Variants in MEGF11 observed in about 807,000 individuals in gnomAD.
The protein encoded by MEGF11 is multiple EGF like domains 11, also known as multiple epidermal growth factor-like domains protein 11.
In MEGF11, 126 loss-of-function variants were observed where a neutral mutation model predicts 146.6. That is an observed-to-expected ratio of 0.86 (90% CI 0.74 to 1.00). The LOEUF (loss-of-function observed/expected upper bound fraction) is 1.00. Ranked by LOEUF, MEGF11 falls within the 50% of genes least tolerant of loss-of-function variation. The pLI, the probability that MEGF11 is intolerant of heterozygous loss-of-function variation, is 0.00. For synonymous variants in MEGF11, 532 were observed against 583.4 expected (o/e 0.91, Z 1.27); for missense variants, 1,509 against 1,521.2 (o/e 0.99, Z 0.13).
At chr15:66,160,872 A>G (rs2089931268) in intron 1 of MEGF11, among the ~76,000 whole-genome samples, 1 of 152,210 alleles carries the variant, frequency 6.6e-6, no homozygotes. Context: ...TAGAAGCAGG[A>G]TGGCAGCTTA....
At chr15:66,177,592 C>T (rs2090419576) in intron 1 of MEGF11, among the ~76,000 whole-genome samples, 1 of 152,010 alleles carries the variant, frequency 6.6e-6, no homozygotes, top group Non-Finnish European at 1.5e-5. Flanking sequence ...TTTACCTCCA[C>T]CAAAGCACTG....
At chr15:66,234,534 C>T (rs1194710687) in intron 1 of MEGF11, among the ~76,000 whole-genome samples, 1 of 152,230 alleles carries the variant, frequency 6.6e-6, no homozygotes, top group Non-Finnish European at 1.5e-5. Flanking sequence ...GCCCCCTTGA[C>T]CTTGGGACCA....
At chr15:66,063,297 G>A (rs1350994054) in intron 5 of MEGF11, among the ~76,000 whole-genome samples, 1 of 152,186 alleles carries the variant, frequency 6.6e-6, no homozygotes, top group East Asian at 1.9e-4. Flanking sequence ...TCATGTTTTA[G>A]AGTTCACACT....
At chr15:66,181,923 C>T (rs1403818752) in intron 1 of MEGF11, among the ~76,000 whole-genome samples, 1 of 152,182 alleles carries the variant, frequency 6.6e-6, no homozygotes, top group Admixed American at 6.5e-5. Context: ...CTGAAGTTCT[C>T]CTAGAGGAAT....
intron 4 of MEGF11, among the ~76,000 whole-genome samples, chr15:66,112,278 AT>A (rs1176689365): frequency 1.3e-5 from 2 of 152,192 alleles, no homozygotes. Context: ...GGAATTCATA[AT>A]GAAAGAATAG....
At chr15:66,099,216 T>TTTG (rs2086683112) in intron 4 of MEGF11, among the ~76,000 whole-genome samples, 1 of 148,590 alleles carries the variant, frequency 6.7e-6, no homozygotes, top group South Asian at 2.2e-4. Flanking sequence ...TTTTTTTTTT[T>TTTG]TTTTTTGATA....
intron 2 of MEGF11, among the ~76,000 whole-genome samples, chr15:66,126,143 T>C (rs923741211): frequency 1.1e-4 from 16 of 152,176 alleles, no homozygotes; most frequent in Admixed American, 2.6e-4. Flanking sequence ...GGGGCATAAT[T>C]AATGAGGAGC....
intron 1 of MEGF11, among the ~76,000 whole-genome samples, chr15:66,235,825 C>T (rs1351670338): frequency 6.6e-6 from 1 of 152,200 alleles, no homozygotes; most frequent in Non-Finnish European, 1.5e-5. Flanking sequence ...AGGAGAGCCA[C>T]AGGCAAGCAT....
At chr15:66,043,194 G>A (rs560799726) in intron 5 of MEGF11, among the ~76,000 whole-genome samples, 1 of 152,348 alleles carries the variant, frequency 6.6e-6, no homozygotes, top group South Asian at 2.1e-4. Flanking sequence ...ACTCCAGCAG[G>A]TGCAAGCACA....
intron 1 of MEGF11, among the ~76,000 whole-genome samples, chr15:66,169,654 G>A (rs762251127): frequency 6.6e-6 from 1 of 152,220 alleles, no homozygotes; most frequent in Non-Finnish European, 1.5e-5. Flanking sequence ...CCACGTCCTT[G>A]GTTCCTTATC....
At chr15:65,923,481 G>A (rs1046773122) in intron 13 of MEGF11, among the ~76,000 whole-genome samples, 1 of 152,266 alleles carries the variant, frequency 6.6e-6, no homozygotes, top group East Asian at 1.9e-4. Context: ...ACCCACCCAG[G>A]GAGGGGCTCA....
At chr15:66,067,161 T>C (rs1478295466) in intron 5 of MEGF11, among the ~76,000 whole-genome samples, 2 of 152,218 alleles carry the variant, frequency 1.3e-5, no homozygotes, top group African/African-American at 4.8e-5. Flanking sequence ...ATGAAAGCTA[T>C]TACTTACACA....
At chr15:66,114,240 C>G (rs1046024157) in intron 4 of MEGF11, among the ~76,000 whole-genome samples, 7 of 152,236 alleles carry the variant, frequency 4.6e-5, no homozygotes, top group Admixed American at 4.6e-4. Flanking sequence ...TTCTGATCCT[C>G]TCTGCCTTCA....
chr15:66,185,193 G>T (rs1265743925), intron 1 of MEGF11, among the ~76,000 whole-genome samples: 5 of 152,042 alleles, frequency 3.3e-5, no homozygotes, highest in African/African-American at 1.2e-4. Context: ...GGGGACGGCA[G>T]CTCATTTACA....
At chr15:65,957,801 T>C in intron 9 of MEGF11, 80 bp from the exon 10 acceptor site, 1 of 1,429,448 alleles carries the variant, frequency 7.0e-7, no homozygotes. Context: ...ACCCCAAGCC[T>C]GGCTTGCCTA....
chr15:66,199,940 T>TAAA (rs2140086317), intron 1 of MEGF11, among the ~76,000 whole-genome samples: 1 of 152,186 alleles, frequency 6.6e-6, no homozygotes, highest in African/African-American at 2.4e-5. Flanking sequence ...TAAAATAAAA[T>TAAA]ATGGTATATC....
chr15:66,161,860 C>T (rs1047678014), intron 1 of MEGF11, among the ~76,000 whole-genome samples: 5 of 152,168 alleles, frequency 3.3e-5, no homozygotes, highest in African/African-American at 1.2e-4. Flanking sequence ...AGTTACACCA[C>T]CAGTGGCTTT....
At chr15:66,098,398 G>A (rs1418761255) in intron 4 of MEGF11, among the ~76,000 whole-genome samples, 1 of 152,142 alleles carries the variant, frequency 6.6e-6, no homozygotes, top group Non-Finnish European at 1.5e-5. Context: ...AGTCCCTGAG[G>A]TGCCTGTGGT....
chr15:66,069,986 C>T (rs76656614), intron 5 of MEGF11, among the ~76,000 whole-genome samples: 2,684 of 152,294 alleles, frequency 0.018, 84 homozygotes, highest in African/African-American at 0.06. Flanking sequence ...AGCTTGCTGA[C>T]CACCGCTCTA....
Sources: gnomAD v4.1 joint callset for allele counts (sites outside exome capture counted in the v4.1 genomes callset) on GRCh38, gnomAD v4.1.1 for gene constraint, MANE v1.5 for transcripts, NCBI Gene and HGNC (gene_info 2026-07-23, HGNC 2026-07-21) for gene names.